Variants in GREM2 observed in about 807,000 individuals in gnomAD.
GREM2 encodes the protein gremlin-2.
A neutral mutation model predicts 14.2 loss-of-function variants in GREM2; 11 were observed. The observed-to-expected ratio is 0.78, with a 90% CI of 0.49 to 1.28. GREM2 has a LOEUF of 1.28. Ranked by LOEUF, GREM2 falls within the 50% of genes most tolerant of loss-of-function variation. The pLI, the probability that GREM2 is intolerant of heterozygous loss-of-function variation, is 0.00. For synonymous variants in GREM2, 98 were observed against 97.6 expected, an observed-to-expected ratio of 1.00 and a Z score of -0.02; for missense variants, 210 against 218.5, an observed-to-expected ratio of 0.96 and a Z score of 0.24.
intron 1 of GREM2, among the ~76,000 whole-genome samples, chr1:240,517,287 T>G (rs1454450167): frequency 6.6e-6 from 1 of 152,214 alleles, no homozygotes; most frequent in African/African-American, 2.4e-5. Flanking sequence ...CCTTTCCAAC[T>G]GTATCATTTT....
At chr1:240,500,847 G>C (rs1216891873) in intron 1 of GREM2, among the ~76,000 whole-genome samples, 1 of 152,162 alleles carries the variant, frequency 6.6e-6, no homozygotes, top group Non-Finnish European at 1.5e-5. Context: ...CCATCTGTTA[G>C]AGTTTTTCTA....
At chr1:240,544,942 A>T (rs1678683464) in intron 1 of GREM2, among the ~76,000 whole-genome samples, 1 of 152,264 alleles carries the variant, frequency 6.6e-6, no homozygotes. Context: ...AAAGAGAAAA[A>T]ATAAGATCAA....
At chr1:240,590,234 A>C (rs1679680289) in intron 1 of GREM2, among the ~76,000 whole-genome samples, 1 of 152,198 alleles carries the variant, frequency 6.6e-6, no homozygotes, top group African/African-American at 2.4e-5. Flanking sequence ...TAACATTCAC[A>C]TACACTAACA....
At chr1:240,597,950 A>G (rs1679854370) in intron 1 of GREM2, among the ~76,000 whole-genome samples, 1 of 152,188 alleles carries the variant, frequency 6.6e-6, no homozygotes, top group African/African-American at 2.4e-5. Context: ...AGAGTGTCAT[A>G]AACTACACTC....
chr1:240,510,401 C>CAAAAAAAAAAAAAA (rs1553272787), intron 1 of GREM2, among the ~76,000 whole-genome samples: 1 of 72,666 alleles, frequency 1.4e-5, no homozygotes, highest in African/African-American at 4.8e-5. Context: ...AAAAAAAAAT[C>CAAAAAAAAAAAAAA]AAATGGTATC....
intron 1 of GREM2, among the ~76,000 whole-genome samples, chr1:240,585,005 G>C (rs954567200): frequency 3.3e-5 from 5 of 152,106 alleles, no homozygotes; most frequent in Non-Finnish European, 7.4e-5. Context: ...AAAAAAAGTA[G>C]TTTACTAGAG....
At chr1:240,598,991 G>A (rs568921520) in intron 1 of GREM2, among the ~76,000 whole-genome samples, 8 of 152,124 alleles carry the variant, frequency 5.3e-5, no homozygotes, top group South Asian at 2.1e-4. Flanking sequence ...GTAAGTGGTC[G>A]GGTGTGGTGG....
Position 240,509,360 on chromosome 1 carries a change from A to AT in GREM2, c.-1-15885dup, listed in dbSNP as rs564246660. 9.4e-3 allele frequency among the ~76,000 whole-genome samples: 1,056 copies of AT among 111,968 alleles called. 6 individuals are homozygous for AT. Among genetic ancestry groups the AT allele is most frequent in the South Asian group, 0.019 (56 of 2,966 alleles). The allele number at this position is 111,968 out of a possible 152,430, so 73.5% of individuals were successfully genotyped here. A position where few individuals can be genotyped will look rare whatever the true frequency, so the allele number is the denominator to read the frequency against. On this transcript the variant is annotated intron_variant, in intron 1 of 1. Transcript: ENST00000318160. The stretch of plus-strand genomic sequence containing the variant: ...GCTTGCCCAGGAGCCAGCTCATTTG[A>AT]TTTTTTTTTTTTTTTTTTTTTTTTT...
At chr1:240,498,506 T>C (rs1489294161) in intron 1 of GREM2, among the ~76,000 whole-genome samples, 1 of 152,196 alleles carries the variant, frequency 6.6e-6, no homozygotes. Flanking sequence ...ATTCAGGCAG[T>C]TGAGCCAGCA....
intron 1 of GREM2, among the ~76,000 whole-genome samples, chr1:240,562,985 AG>A (rs1558164123): frequency 9.0e-6 from 1 of 110,942 alleles, no homozygotes; most frequent in Non-Finnish European, 1.8e-5. Flanking sequence ...TGTATATGTA[AG>A]TGTGTATGTG....
intron 1 of GREM2, among the ~76,000 whole-genome samples, chr1:240,546,699 G>T (rs926437404): frequency 2.0e-5 from 3 of 152,132 alleles, no homozygotes; most frequent in African/African-American, 7.2e-5. Context: ...AAAATATACT[G>T]CAATGTGTTA....
At chr1:240,562,857 T>C (rs1334022557) in intron 1 of GREM2, among the ~76,000 whole-genome samples, 1 of 151,216 alleles carries the variant, frequency 6.6e-6, no homozygotes, top group Middle Eastern at 3.2e-3. Flanking sequence ...TGTATGTGTG[T>C]ATGTGTATAT....
intron 1 of GREM2, among the ~76,000 whole-genome samples, chr1:240,497,504 G>A (rs1677454316): frequency 6.6e-6 from 1 of 152,010 alleles, no homozygotes; most frequent in Non-Finnish European, 1.5e-5. Flanking sequence ...AGGAGCTTAG[G>A]AAGTCACAAG....
At chr1:240,574,519 A>G (rs569299166) in intron 1 of GREM2, among the ~76,000 whole-genome samples, 180 of 152,292 alleles carry the variant, frequency 1.2e-3, no homozygotes, top group Non-Finnish European at 1.9e-3. Flanking sequence ...GGCCATTAAT[A>G]AAAGTAAGGA....
intron 1 of GREM2, among the ~76,000 whole-genome samples, chr1:240,516,384 G>A (rs1232430111): frequency 6.6e-6 from 1 of 152,028 alleles, no homozygotes. Context: ...AATCCAGTCT[G>A]TTTTCTCTTT....
At chr1:240,535,823 A>G (rs1572387690) in intron 1 of GREM2, among the ~76,000 whole-genome samples, 1 of 151,938 alleles carries the variant, frequency 6.6e-6, no homozygotes, top group Non-Finnish European at 1.5e-5. Context: ...GAAAGAAAAA[A>G]GAGAAAGAAA....
chr1:240,539,194 A>G (rs1401804766), intron 1 of GREM2, among the ~76,000 whole-genome samples: 9 of 152,074 alleles, frequency 5.9e-5, no homozygotes, highest in Non-Finnish European at 1.5e-5. Context: ...ACCATCCCTT[A>G]TGGATTTCTT....
intron 1 of GREM2, among the ~76,000 whole-genome samples, chr1:240,547,304 T>G (rs927444441): frequency 6.6e-6 from 1 of 151,622 alleles, no homozygotes; most frequent in Non-Finnish European, 1.5e-5. Flanking sequence ...ATCAAGACCA[T>G]CCTGGCTAAC....
At chr1:240,514,029 T>C (rs1268148296) in intron 1 of GREM2, among the ~76,000 whole-genome samples, 4 of 151,980 alleles carry the variant, frequency 2.6e-5, no homozygotes, top group African/African-American at 9.7e-5. Flanking sequence ...GTGGATCACC[T>C]GACGTCAGGA....
Sources: allele counts gnomAD v4.1 joint callset (sites outside exome capture counted in the v4.1 genomes callset), GRCh38; gene constraint gnomAD v4.1.1; transcripts MANE v1.5; gene names NCBI Gene and HGNC (gene_info 2026-07-23, HGNC 2026-07-21).